SERPINA9: variants seen among roughly 807,000 people sequenced by gnomAD.
The protein encoded by SERPINA9 is serpin A9.
A neutral mutation model predicts 24.5 loss-of-function variants in SERPINA9; 32 were observed. That is an observed-to-expected ratio of 1.30 (90% CI 0.98 to 1.75). SERPINA9 has a LOEUF of 1.75. Among genes scored for constraint, SERPINA9 ranks in the 40% most tolerant of loss-of-function variants. SERPINA9 has a pLI of 0.00. For missense variants in SERPINA9, 594 were observed against 497.1 expected (o/e 1.19, Z -1.85); for synonymous variants, 233 against 197.7 (o/e 1.18, Z -1.50).
At chr14:94,464,390 C>T (rs11627748) in intron 4 of SERPINA9, 195,093 of 428,958 alleles carry the variant, frequency 0.45, 47,701 homozygotes, top group Middle Eastern at 0.53. Flanking sequence ...ACTGTGATGC[C>T]TGTGTGAGGG....
At chr14:94,464,638 A>G in intron 4 of SERPINA9, 69 bp downstream of exon 4, 1 of 1,296,400 alleles carries the variant, frequency 7.7e-7, no homozygotes, top group South Asian at 1.4e-5. Flanking sequence ...CAACGAAATA[A>G]GAGCATGTGA....
intron 4 of SERPINA9, among the ~76,000 whole-genome samples, chr14:94,463,512 G>T (rs117590120): frequency 1.3e-5 from 2 of 152,354 alleles, no homozygotes; most frequent in Non-Finnish European, 2.9e-5. Flanking sequence ...TACAAACACA[G>T]AGCAGGAAGA....
In SERPINA9 at chr14:94,463,194, A is replaced by G. The variant is rs373779363; in HGVS notation, c.1153T>C (p.Phe385Leu). Residue 385 changes from phenylalanine (F) to leucine (L), a missense_variant, in exon 5 of 5, where the codon TTC becomes CTC. Physicochemically the swap from Phe to Leu is conservative, Grantham distance 22 (BLOSUM62 0). Transcript: ENST00000674397. The part of the protein sequence containing the change: ...IVRSKDGPSY[F>L]TVSFNRTFLM... ...AAGGTCCTATTGAAGGAGACAGTGA[A>G]GTAAGAGGGGCCATCCTTCGATCGG... The G allele has an allele frequency of 3.0e-5, 48 of 1,614,000 alleles. No individual in the cohort carries two copies. The African/African-American group carries it at 6.1e-4, about 21-fold the overall frequency.
intron 1 of SERPINA9, among the ~76,000 whole-genome samples, chr14:94,474,649 T>C (rs976700023): frequency 6.6e-6 from 1 of 152,178 alleles, no homozygotes; most frequent in Non-Finnish European, 1.5e-5. Context: ...CTCCCAGCCC[T>C]GCCAAGGCCC....
rs150262245 is a variant in SERPINA9, at chr14:94,464,092, C to T, written c.1050+615G>A. 2.6e-5 allele frequency among the ~76,000 whole-genome samples: 4 copies of T among 152,190 alleles called. No individual in the cohort carries two copies. In the East Asian group the frequency reaches 7.7e-4, roughly 29 times the overall value. ...AGACTTCTTGTAAGAGCATGGGGTG[C>T]CCACATTACCTGGAGGATACTGTCT... is the stretch of plus-strand genomic sequence containing the variant. On this transcript the variant is annotated intron_variant, in intron 4 of 4. Transcript: ENST00000674397.
intron 2 of SERPINA9, among the ~76,000 whole-genome samples, chr14:94,467,877 C>T (rs985459200): frequency 6.7e-6 from 1 of 150,104 alleles, no homozygotes; most frequent in Non-Finnish European, 1.5e-5. Context: ...AGGTGGTTGG[C>T]TAGCTAGATG....
chr14:94,471,881 C>T (rs1348190836), intron 1 of SERPINA9, among the ~76,000 whole-genome samples: 1 of 152,152 alleles, frequency 6.6e-6, no homozygotes, highest in Non-Finnish European at 1.5e-5. Context: ...AGCTTCTCTC[C>T]ATCTCTTTGC....
chr14:94,475,226 G>T (rs1899529934), intron 1 of SERPINA9, among the ~76,000 whole-genome samples: 1 of 152,282 alleles, frequency 6.6e-6, no homozygotes. Context: ...GAGGGGTTCT[G>T]CAAGGCAGCC....
At chr14:94,470,667 C>T (rs1899267895) in intron 1 of SERPINA9, among the ~76,000 whole-genome samples, 1 of 152,180 alleles carries the variant, frequency 6.6e-6, no homozygotes, top group African/African-American at 2.4e-5. Flanking sequence ...CAGAGTTGTT[C>T]AGAGGACTGA....
Position 94,467,314 on chromosome 14 carries a change from C to A in SERPINA9, c.697G>T (p.Val233Phe), listed in dbSNP as rs376958235. 3.1e-6 allele frequency: 5 copies of A among 1,613,928 alleles called. No homozygotes were observed. The African/African-American group carries it at 6.7e-5, about 22-fold the overall frequency. The part of the protein sequence containing the change: ...KNFPFLVGEQ[V>F]TVHVPMMHQK... ...TGCATCATGGGGACATGCACAGTGACCTGCTCGCCCACCAGGAATGGGAAG... is the reference window on the plus strand; with the variant it reads ...TGCATCATGGGGACATGCACAGTGAACTGCTCGCCCACCAGGAATGGGAAG... Residue 233 changes from valine (V) to phenylalanine (F), a missense_variant, in exon 3 of 5, where the codon GTC becomes TTC. Val to Phe is a conservative substitution (Grantham distance 50). Coordinates refer to ENST00000674397, the MANE Select transcript of SERPINA9 (RefSeq NM_175739.4).
Position 94,467,360 on chromosome 14 carries a change from G to C in SERPINA9, c.651C>G (p.His217Gln), listed in dbSNP as rs1400529842. 6.2e-7 allele frequency: 1 copy of C among 1,609,932 alleles called. No individual in the cohort carries two copies. Among genetic ancestry groups the C allele is most frequent in the African/African-American group, 1.3e-5 (1 of 74,968 alleles). Residue 217 changes from histidine to glutamine, a missense_variant, in exon 3 of 5, where the codon CAC becomes CAG. By Grantham distance (24) the His-to-Gln change is conservative (BLOSUM62 0). Coordinates refer to ENST00000674397, the MANE Select transcript of SERPINA9 (RefSeq NM_175739.4). Reference protein sequence around the residue: ...FFKAKWEKPFHPEYTRKNFPF... With the variant: ...FFKAKWEKPFQPEYTRKNFPF... ...GGAAGTTCTTTCTTGTATATTCAGG[G>C]TGAAAGGGCTTCTCCCACTTGGCTA...
chr14:94,464,963 T>G, intron 3 of SERPINA9, 109 bp from the exon 4 acceptor site: 1 of 957,062 alleles, frequency 1.0e-6, no homozygotes. Context: ...CCACTGCTAA[T>G]TTCTGCTAAA....
chr14:94,475,346 A>T (rs1899540956), intron 1 of SERPINA9, among the ~76,000 whole-genome samples: 1 of 151,544 alleles, frequency 6.6e-6, no homozygotes. Flanking sequence ...CATGTCCTTA[A>T]CCTTTTTATT....
chr14:94,463,340 TTTTAC>T (rs1898834845), intron 4 of SERPINA9, 44 bp from the exon 5 acceptor site: 2 of 1,558,780 alleles, frequency 1.3e-6, no homozygotes, highest in African/African-American at 2.7e-5. Flanking sequence ...GTGGAGACAC[TTTTAC>T]TTAACTGAGT....
At chr14:94,474,278 G>A (rs1222238730) in intron 1 of SERPINA9, among the ~76,000 whole-genome samples, 1 of 152,192 alleles carries the variant, frequency 6.6e-6, no homozygotes, top group Non-Finnish European at 1.5e-5. Context: ...CCCATCAGCA[G>A]AGGTGGCCTA....
At chr14:94,476,021 A>G (rs533791403) in intron 1 of SERPINA9, 115 bp downstream of exon 1, 1 of 1,513,594 alleles carries the variant, frequency 6.6e-7, no homozygotes, top group Non-Finnish European at 9.1e-7. Context: ...CTAGGTTCTC[A>G]TCTTATTTGA....
chr14:94,467,452 A>G (rs1021031859), intron 2 of SERPINA9, 70 bp from the exon 3 acceptor site: 77 of 1,395,214 alleles, frequency 5.5e-5, no homozygotes, highest in Non-Finnish European at 7.1e-5. Context: ...GCAAACTGAA[A>G]TGGGGAATTA....
rs148867559 is a variant in SERPINA9 at position 94,463,470 on chromosome 14, C to A, written c.1051-174G>T. Reference sequence around the variant, plus strand: ...ACATTGCAGTGGGTGTTGACTATGGCCCATTGGTCCTTACACCGGGATTGA... The same window carrying A: ...ACATTGCAGTGGGTGTTGACTATGGACCATTGGTCCTTACACCGGGATTGA... On this transcript the variant is annotated intron_variant, in intron 4 of 4. Coordinates refer to ENST00000674397, the MANE Select transcript of SERPINA9 (RefSeq NM_175739.4). Among the ~76,000 whole-genome samples the A allele has an allele frequency of 1.6e-3, 239 of 152,270 alleles. 2 individuals are homozygous for A. Among genetic ancestry groups the A allele is most frequent in the African/African-American group, 5.5e-3 (230 of 41,552 alleles).
chr14:94,471,239 G>A (rs1899302910), intron 1 of SERPINA9, among the ~76,000 whole-genome samples: 1 of 152,080 alleles, frequency 6.6e-6, no homozygotes, highest in African/African-American at 2.4e-5. Context: ...CCGGCATGAA[G>A]TGTTACTCCT....
Sources: gnomAD v4.1 joint callset for allele counts (sites outside exome capture counted in the v4.1 genomes callset) on GRCh38, gnomAD v4.1.1 for gene constraint, MANE v1.5 for transcripts, NCBI Gene and HGNC (gene_info 2026-07-23, HGNC 2026-07-21) for gene names.